Variants in MYL6B observed in about 807,000 individuals in gnomAD.
MYL6B encodes myosin alkali light chain 1 slow a.
MYL6B carries 19 observed loss-of-function variants against 24.5 expected under a neutral mutation model. That is an observed-to-expected ratio of 0.78 (90% CI 0.54 to 1.14). The LOEUF (loss-of-function observed/expected upper bound fraction) is 1.14. Among genes scored for constraint, MYL6B ranks in the 50% most tolerant of loss-of-function variants. MYL6B has a pLI of 0.00. For missense variants in MYL6B, 230 were observed against 263.8 expected (o/e 0.87, Z 0.89); for synonymous variants, 90 against 100.7 (o/e 0.89, Z 0.64).
exon 5 of MYL6B, chr12:56,155,465 C>A: frequency 1.2e-6 from 2 of 1,614,142 alleles, no homozygotes; most frequent in Non-Finnish European, 1.7e-6. Context: ...TGCCCATGCT[C>A]CAGGCAGTGG....
At position 56,157,828 on chromosome 12, in the gene MYL6B, T is replaced by C. The variant is rs1051167110; in HGVS notation, c.*102T>C. ...AGAAAAGCAGCGGAGTTCATTCTGC[T>C]GTCCGGTTGCTGCACGGGCTCCAGC... is the stretch of plus-strand genomic sequence containing the variant. On this transcript the variant is annotated 3_prime_UTR_variant, in exon 7 of 7. Transcript: ENST00000553066. 8.2e-5 allele frequency: 117 copies of C among 1,434,082 alleles called. 1 individual carries two copies. Among genetic ancestry groups the C allele is most frequent in the Middle Eastern group, 5.2e-4 (3 of 5,740 alleles). The allele number at this position is 1,434,082 out of a possible 1,614,324, so 88.8% of individuals were successfully genotyped here.
chr12:56,155,924 G>C, intron 5 of MYL6B: 2 of 1,213,346 alleles, frequency 1.6e-6, no homozygotes, highest in Non-Finnish European at 2.1e-6. Flanking sequence ...GCAGTACTAG[G>C]GTGAAATGGA....
At chr12:56,154,591 T>C (rs1871235508) in intron 2 of MYL6B, among the ~76,000 whole-genome samples, 1 of 152,126 alleles carries the variant, frequency 6.6e-6, no homozygotes, top group Non-Finnish European at 1.5e-5. Flanking sequence ...GGGAAACAGG[T>C]GGCATGGGAT....
chr12:56,155,050 T>C lies in MYL6B; in HGVS notation c.203-5T>C. On this transcript the variant is annotated splice_region_variant and splice_polypyrimidine_tract_variant and intron_variant, in intron 3 of 6. Coordinates refer to ENST00000553066, the Ensembl canonical transcript of MYL6B. ...TGTCTACACTGACCCTTCCTTATAC[T>C]TTAGAGTTCAAGGAGGCCTTCGAGC... 2 of 1,608,434 alleles carry C rather than the reference T, an allele frequency of 1.2e-6. No homozygotes were observed. The highest frequency in any genetic ancestry group is 1.7e-6 in the Non-Finnish European group (2 of 1,177,384).
intron 2 of MYL6B, 83 bp from the exon 3 acceptor site, chr12:56,154,730 G>A (rs1871240566): frequency 1.3e-6 from 2 of 1,512,378 alleles, no homozygotes; most frequent in Admixed American, 1.9e-5. Context: ...CTCCTCAGAA[G>A]TGGCTGCCAG....
chr12:56,157,240 C>CA (rs1294599623), intron 5 of MYL6B: 3 of 488,824 alleles, frequency 6.1e-6, no homozygotes, highest in Non-Finnish European at 1.1e-5. Context: ...ACCAAAAATA[C>CA]AAAAAATTAG....
Position 56,154,806 on chromosome 12 carries a change from TC to T in MYL6B, c.175-5del. The stretch of plus-strand genomic sequence containing the variant: ...CATCTCTCCCCACCTGCTTTTTTCT[TC>T]CACAGATCGAGTTTAACAAGGACCA... On this transcript the variant is annotated splice_region_variant and splice_polypyrimidine_tract_variant and intron_variant, in intron 2 of 6. Transcript: ENST00000553066. 1 of 1,612,764 alleles carries T rather than the reference TC, an allele frequency of 6.2e-7. No homozygotes were observed. The highest frequency in any genetic ancestry group is 1.1e-5 in the South Asian group (1 of 90,938).
intron 1 of MYL6B, among the ~76,000 whole-genome samples, chr12:56,153,010 C>CA (rs1454998840): frequency 6.6e-6 from 1 of 152,046 alleles, no homozygotes; most frequent in Admixed American, 6.6e-5. Context: ...GGTGAATACT[C>CA]ATGGAGCCAT....
intron 6 of MYL6B, 32 bp from the exon 7 acceptor site, chr12:56,157,666 T>C (rs1156594145): frequency 1.2e-6 from 2 of 1,613,404 alleles, no homozygotes; most frequent in Non-Finnish European, 1.7e-6. Context: ...AAGGCCTGCT[T>C]CTGAAGCCCC....
intron 2 of MYL6B, 60 bp from the exon 3 acceptor site, chr12:56,154,753 A>G: frequency 8.9e-6 from 14 of 1,566,428 alleles, no homozygotes; most frequent in African/African-American, 1.4e-5. Flanking sequence ...GGTTGGGAGG[A>G]GTGCGGGAGA....
exon 7 of MYL6B, chr12:56,157,772 G>C (rs769774241): frequency 1.4e-5 from 22 of 1,603,226 alleles, no homozygotes; most frequent in Non-Finnish European, 1.7e-5. Context: ...GCCTTACGAG[G>C]CAAGTCTCCC....
At chr12:56,157,785 C>G (rs1871397237) in exon 7 of MYL6B, 1 of 1,588,052 alleles carries the variant, frequency 6.3e-7, no homozygotes, top group Non-Finnish European at 8.6e-7. Flanking sequence ...AGTCTCCCGC[C>G]CTTCTCTCAG....
chr12:56,154,694 G>A (rs1565880899), intron 2 of MYL6B, 119 bp from the exon 3 acceptor site: 1 of 1,144,730 alleles, frequency 8.7e-7, no homozygotes, highest in East Asian at 2.4e-5. Context: ...AGGTGGCTGG[G>A]CTTCCAGCCT....
At chr12:56,155,758 C>G in intron 5 of MYL6B, 166 bp downstream of exon 5, 1 of 1,529,922 alleles carries the variant, frequency 6.5e-7, no homozygotes. Context: ...CTGAAGGACT[C>G]GCTCTTCCAG....
intron 5 of MYL6B, 66 bp downstream of exon 5, chr12:56,155,658 A>T (rs1265655548): frequency 6.2e-7 from 1 of 1,609,154 alleles, no homozygotes; most frequent in Non-Finnish European, 8.5e-7. Context: ...GGCCAGAAAG[A>T]CTGGACAGAT....
Sources: gnomAD v4.1 joint callset for allele counts (sites outside exome capture counted in the v4.1 genomes callset) on GRCh38, gnomAD v4.1.1 for gene constraint, MANE v1.5 for transcripts, NCBI Gene and HGNC (gene_info 2026-07-23, HGNC 2026-07-21) for gene names.